RBPJ: variants seen among roughly 807,000 people sequenced by gnomAD.
RBPJ encodes recombining binding protein suppressor of hairless.
Under a neutral mutation model 67.8 loss-of-function variants are expected in RBPJ, and 9 were observed. The ratio of observed to expected loss-of-function variants is 0.13; its 90% CI spans 0.08 to 0.23. RBPJ has a LOEUF of 0.23. Ranked by LOEUF, RBPJ falls within the 10% of genes least tolerant of loss-of-function variation. The pLI is 1.00. For missense variants in RBPJ, 305 were observed against 595.6 expected, an observed-to-expected ratio of 0.51 and a Z score of 5.08; for synonymous variants, 198 against 203.3, an observed-to-expected ratio of 0.97 and a Z score of 0.22.
chr4:26,250,748 T>G (rs1409987915), intron 1 of RBPJ, among the ~76,000 whole-genome samples: 3 of 152,254 alleles, frequency 2.0e-5, no homozygotes, highest in Non-Finnish European at 4.4e-5. Flanking sequence ...AAATAATAAC[T>G]ATGAACATTG....
In RBPJ at chr4:26,252,453, GGCAC is replaced by G. The variant is rs1720146102; in HGVS notation, c.-167+88844_-167+88847del. ...TCTACAAAAATTTGCTGGGTGTGGT[GGCAC>G]GCACCTGTGGTCACAGCTCTCAGAA... On this transcript the variant is annotated intron_variant, in intron 1 of 4. Transcript: ENST00000512351. 4.0e-5 allele frequency among the ~76,000 whole-genome samples: 6 copies of G among 151,160 alleles called. No individual in the cohort carries two copies. The South Asian group carries it at 1.2e-3, about 31-fold the overall frequency.
intron 1 of RBPJ, among the ~76,000 whole-genome samples, chr4:26,363,681 T>A (rs1320409359): frequency 1.3e-5 from 2 of 152,186 alleles, no homozygotes; most frequent in Non-Finnish European, 2.9e-5. Flanking sequence ...TCAGGTGATC[T>A]GCCTGCCTCA....
chr4:26,270,377 GAA>G (rs1235980125), intron 1 of RBPJ, among the ~76,000 whole-genome samples: 6 of 44,142 alleles, frequency 1.4e-4, no homozygotes, highest in African/African-American at 4.6e-4. Context: ...AAGAAAGAAA[GAA>G]AGAAAGAAAG....
intron 1 of RBPJ, among the ~76,000 whole-genome samples, chr4:26,339,731 A>G (rs1725296899): frequency 6.6e-6 from 1 of 151,308 alleles, no homozygotes; most frequent in Admixed American, 6.6e-5. Flanking sequence ...GTTACATTAG[A>G]ACACTTCTGG....
At chr4:26,382,269 A>G (rs989245630) in intron 1 of RBPJ, among the ~76,000 whole-genome samples, 1 of 152,226 alleles carries the variant, frequency 6.6e-6, no homozygotes, top group East Asian at 1.9e-4. Context: ...TTATTGATTT[A>G]TAATTCATTA....
the RBPJ span, chr4:26,113,798 C>A: frequency 4.1e-6 from 1 of 243,836 alleles, no homozygotes. Context: ...CACCAAACAT[C>A]AGAGAATTCA....
At chr4:26,114,735 A>C in the RBPJ span, among the ~76,000 whole-genome samples, 1 of 152,126 alleles carries the variant, frequency 6.6e-6, no homozygotes, top group Non-Finnish European at 1.5e-5. Flanking sequence ...GTATGTGTAT[A>C]TATATGGGTG....
chr4:26,359,914 G>A (rs1454342548), intron 1 of RBPJ: 1 of 152,174 alleles, frequency 6.6e-6, no homozygotes, highest in Non-Finnish European at 1.5e-5. Flanking sequence ...TTTGCTAGCA[G>A]TTATTTGATC....
At chr4:26,308,622 G>C (rs1722325904) in intron 1 of RBPJ, among the ~76,000 whole-genome samples, 1 of 152,220 alleles carries the variant, frequency 6.6e-6, no homozygotes, top group South Asian at 2.1e-4. Context: ...ACAAAGCTAG[G>C]TACTTAACAA....
At chr4:26,174,350 G>C (rs930256489) in intron 1 of RBPJ, among the ~76,000 whole-genome samples, 1 of 152,206 alleles carries the variant, frequency 6.6e-6, no homozygotes, top group Admixed American at 6.5e-5. Context: ...TTCTCACTCA[G>C]CTCTGGCTAC....
the RBPJ span, among the ~76,000 whole-genome samples, chr4:26,127,909 T>A: frequency 6.6e-6 from 1 of 152,216 alleles, no homozygotes; most frequent in Non-Finnish European, 1.5e-5. Flanking sequence ...GAGGGAAACA[T>A]GCCACCCATT....
At chr4:26,346,503 T>C (rs1190548191) in intron 1 of RBPJ, among the ~76,000 whole-genome samples, 1 of 152,188 alleles carries the variant, frequency 6.6e-6, no homozygotes, top group Non-Finnish European at 1.5e-5. Context: ...ATGGAGCCGC[T>C]ATCTTGAACA....
chr4:26,214,571 G>A (rs1354084658), intron 1 of RBPJ, among the ~76,000 whole-genome samples: 39 of 118,322 alleles, frequency 3.3e-4, no homozygotes, highest in African/African-American at 1.2e-3. Flanking sequence ...AGAGAAAAGA[G>A]AAAAAGAAAG....
At chr4:26,321,753 G>T (rs1466192221) in intron 1 of RBPJ, 1 of 152,032 alleles carries the variant, frequency 6.6e-6, no homozygotes, top group East Asian at 1.9e-4. Context: ...TATTCTCTCG[G>T]CACCCCCTTC....
rs1357460722 is a variant in RBPJ at position 26,401,873 on chromosome 4, C to CT, written c.60-4297dup. ...CTTCTCTTGGCTTTGCTTTTGTTTTCTTTTTCTTTCTTTCTTTTTTTTTTT... is the reference window on the plus strand; with the variant it reads ...CTTCTCTTGGCTTTGCTTTTGTTTTCTTTTTTCTTTCTTTCTTTTTTTTTTT... On this transcript the variant is annotated intron_variant, in intron 2 of 10. Coordinates refer to ENST00000355476, the MANE Select transcript of RBPJ (RefSeq NM_015874.6). Among the ~76,000 whole-genome samples the CT allele has an allele frequency of 7.1e-4, 104 of 146,640 alleles. 1 individual carries two copies. Among genetic ancestry groups the CT allele is most frequent in the Middle Eastern group, 3.4e-3 (1 of 290 alleles).
upstream of RBPJ, among the ~76,000 whole-genome samples, chr4:26,316,827 C>CTTTTTTTTTTTTT (rs56130072): frequency 1.1e-4 from 8 of 71,396 alleles, 3 homozygotes; most frequent in African/African-American, 2.2e-4. Context: ...ACCCAGACGA[C>CTTTTTTTTTTTTT]TTTTTTTTTT....
the RBPJ span, among the ~76,000 whole-genome samples, chr4:26,126,780 A>G: frequency 2.0e-5 from 3 of 152,230 alleles, no homozygotes; most frequent in African/African-American, 7.2e-5. Flanking sequence ...TTTTGAATGC[A>G]AAGGTAAGAA....
intron 3 of RBPJ, chr4:26,412,987 T>G (rs1430374352): frequency 6.6e-6 from 1 of 152,224 alleles, no homozygotes; most frequent in East Asian, 1.9e-4. Flanking sequence ...TTGGCCTCAG[T>G]GTAAGTATAC....
At chr4:26,409,434 G>C (rs1211931910) in intron 3 of RBPJ, among the ~76,000 whole-genome samples, 3 of 152,096 alleles carry the variant, frequency 2.0e-5, no homozygotes, top group African/African-American at 7.2e-5. Context: ...CATATATAGA[G>C]AGCTGTAGTG....
Sources: gnomAD v4.1 joint callset for allele counts (sites outside exome capture counted in the v4.1 genomes callset) on GRCh38, gnomAD v4.1.1 for gene constraint, MANE v1.5 for transcripts, NCBI Gene and HGNC (gene_info 2026-07-23, HGNC 2026-07-21) for gene names.